Variants in FEM1C observed in about 807,000 individuals in gnomAD.
FEM1C encodes the protein protein fem-1 homolog C.
In FEM1C, 15 loss-of-function variants were observed where a neutral mutation model predicts 37.6. The observed-to-expected ratio is 0.40, with a 90% confidence interval of 0.27 to 0.61. The LOEUF is 0.61. FEM1C is among the 20% of genes least tolerant of loss of function. The pLI, the probability that FEM1C is intolerant of heterozygous loss-of-function variation, is 0.42. For missense variants in FEM1C, 532 were observed against 749.7 expected (o/e 0.71, Z 3.39); for synonymous variants, 287 against 272.8 (o/e 1.05, Z -0.51).
At chr5:115,525,698 C>A in intron 2 of FEM1C, 81 bp from the exon 3 acceptor site, 1 of 1,133,848 alleles carries the variant, frequency 8.8e-7, no homozygotes, top group South Asian at 1.8e-5. Flanking sequence ...ACTTTAGAAC[C>A]TAAAGAAAAG....
chr5:115,524,833 A>G lies in FEM1C; in HGVS notation c.1329T>C (p.Ser443=). 1 of 1,609,398 alleles carries G rather than the reference A, an allele frequency of 6.2e-7. No individual in the cohort carries two copies. The highest frequency in any genetic ancestry group is 8.5e-7 in the Non-Finnish European group (1 of 1,178,270). Residue 443 remains serine, a synonymous_variant, in exon 3 of 3, where the codon TCT becomes TCC. Coordinates refer to ENST00000274457, the MANE Select transcript of FEM1C (RefSeq NM_020177.3). ...ADPLQLNKAL[S]IILHLICLLE... ...ACAAGCAAATTAAGTGCAAAATAAT[A>G]GAAAGGGCCTTATTTAACTGTAATG...
rs1190672978 is a variant in FEM1C, at chr5:115,521,396, A to C, written c.*2912T>G. On this transcript the variant is annotated 3_prime_UTR_variant, in exon 3 of 3. Transcript: ENST00000274457. Reference sequence around the variant, plus strand: ...ATACACATTAAGGTAGTCACTTTACAAGTGAGCTATCACTTAACTTCAAAT... The same window carrying C: ...ATACACATTAAGGTAGTCACTTTACCAGTGAGCTATCACTTAACTTCAAAT... 1 of 151,856 alleles carries C rather than the reference A, an allele frequency of 6.6e-6. No homozygotes were observed. Among genetic ancestry groups the C allele is most frequent in the Non-Finnish European group, 1.5e-5 (1 of 67,796 alleles). 9.4% of individuals were successfully genotyped at this position (151,856 alleles called of 1,614,324 possible).
At position 115,522,675 on chromosome 5, in the gene FEM1C, G is replaced by A. The variant is rs988219377; in HGVS notation, c.*1633C>T. Reference sequence around the variant, plus strand: ...TTAAATAGTGTAACATCAACCCTCAGAATAAAATGTCAACACAAAAATCCA... The same window carrying A: ...TTAAATAGTGTAACATCAACCCTCAAAATAAAATGTCAACACAAAAATCCA... On this transcript the variant is annotated 3_prime_UTR_variant, in exon 3 of 3. Transcript: ENST00000274457. The A allele has an allele frequency of 1.3e-4, 20 of 152,248 alleles. No homozygotes were observed. Among genetic ancestry groups the A allele is most frequent in the African/African-American group, 4.1e-4 (17 of 41,406 alleles). 9.4% of individuals were successfully genotyped at this position (152,248 alleles called of 1,614,324 possible). A position where few individuals can be genotyped will look rare whatever the true frequency, so the allele number is the denominator to read the frequency against.
chr5:115,535,477 C>T (rs946343392), intron 2 of FEM1C, among the ~76,000 whole-genome samples: 8 of 151,684 alleles, frequency 5.3e-5, no homozygotes, highest in Non-Finnish European at 8.8e-5. Flanking sequence ...AATAACCACA[C>T]GAATTAAGTA....
intron 1 of FEM1C, chr5:115,544,232 T>A: frequency 1.0e-6 from 1 of 957,174 alleles, no homozygotes; most frequent in Non-Finnish European, 1.2e-6. Flanking sequence ...TTTTAGTCAT[T>A]AACTTCGCCC....
At chr5:115,529,714 G>A (rs1163675474) in intron 2 of FEM1C, among the ~76,000 whole-genome samples, 4 of 151,934 alleles carry the variant, frequency 2.6e-5, no homozygotes, top group South Asian at 2.1e-4. Context: ...GCAATACCAC[G>A]AAATTATGGA....
In FEM1C at chr5:115,543,566, G is replaced by C; in HGVS notation, c.-73C>G. On this transcript the variant is annotated 5_prime_UTR_variant, in exon 2 of 3. Coordinates refer to ENST00000274457, the MANE Select transcript of FEM1C (RefSeq NM_020177.3). ...CTCCAGTTTAACTCTATCGACACAG[G>C]CAAGAGTCACAGGAACCAAAGTCCA... 2.6e-6 allele frequency: 4 copies of C among 1,514,026 alleles called. No individual in the cohort carries two copies. The East Asian group carries it at 9.0e-5, about 34-fold the overall frequency. 93.8% of individuals were successfully genotyped at this position (1,514,026 alleles called of 1,614,324 possible).
chr5:115,524,939 A>C lies in FEM1C; in HGVS notation c.1223T>G (p.Phe408Cys). The stretch of plus-strand genomic sequence containing the variant: ...GCAAAGTATGCCCATAAGATCATCA[A>C]ATGTAACAGTAGTACCCAGCAGGCC... ...AKGLLGTTVT[F>C]DDLMGILCKS... The change falls in exon 3 of 3, where the codon TTT becomes TGT. Residue 408 changes from phenylalanine to cysteine, a missense_variant. Around this residue, in one of 3 missense-constraint regions of FEM1C, gnomAD observed 237 missense variants for 260.5 expected, o/e 0.91. Transcript: ENST00000274457. 6.2e-7 allele frequency: 1 copy of C among 1,613,796 alleles called. No homozygotes were observed. Among genetic ancestry groups the C allele is most frequent in the Non-Finnish European group, 8.5e-7 (1 of 1,179,844 alleles).
chr5:115,528,385 G>A (rs1443876745), intron 2 of FEM1C, among the ~76,000 whole-genome samples: 1 of 152,142 alleles, frequency 6.6e-6, no homozygotes, highest in African/African-American at 2.4e-5. Context: ...AGCAGAACTA[G>A]TGACAGCCTT....
intron 1 of FEM1C, 34 bp from the exon 2 acceptor site, chr5:115,543,717 T>G: frequency 7.4e-7 from 1 of 1,347,430 alleles, no homozygotes; most frequent in Non-Finnish European, 9.5e-7. Context: ...CAGCATTTAA[T>G]TTTCTATAGA....
rs189371624 is a variant in FEM1C, at chr5:115,541,744, T to C, written c.544+1206A>G. 2.7e-3 allele frequency among the ~76,000 whole-genome samples: 416 copies of C among 152,242 alleles called. 3 individuals carry two copies. The highest frequency in any genetic ancestry group is 0.01 in the Middle Eastern group (3 of 294). ...AAACAGAATGAGGTAGCTATGTGTG[T>C]TGGAGTTGAATGACATCCAAGGTTA... On this transcript the variant is annotated intron_variant, in intron 2 of 2. Coordinates refer to ENST00000274457, the MANE Select transcript of FEM1C (RefSeq NM_020177.3).
At chr5:115,529,063 G>A (rs368718109) in intron 2 of FEM1C, among the ~76,000 whole-genome samples, 6 of 152,006 alleles carry the variant, frequency 3.9e-5, no homozygotes, top group South Asian at 2.1e-4. Flanking sequence ...AGGGAACAAC[G>A]TCAGAATATT....
chr5:115,531,921 G>GC (rs1329880331), intron 2 of FEM1C, among the ~76,000 whole-genome samples: 4 of 152,094 alleles, frequency 2.6e-5, no homozygotes, highest in Non-Finnish European at 5.9e-5. Flanking sequence ...TTCTGCTTAT[G>GC]CTTCACATTA....
intron 2 of FEM1C, among the ~76,000 whole-genome samples, chr5:115,532,699 C>T (rs894593388): frequency 2.0e-5 from 3 of 152,002 alleles, no homozygotes; most frequent in Non-Finnish European, 2.9e-5. Context: ...GTTATTACAT[C>T]GTCTGCATAG....
chr5:115,542,736 T>TA, intron 2 of FEM1C, among the ~76,000 whole-genome samples: 1 of 152,270 alleles, frequency 6.6e-6, no homozygotes, highest in Non-Finnish European at 1.5e-5. Context: ...AGAGAGAAAA[T>TA]ACTGCTTAAC....
intron 2 of FEM1C, among the ~76,000 whole-genome samples, chr5:115,540,977 G>A (rs1287654541): frequency 6.6e-6 from 1 of 151,978 alleles, no homozygotes; most frequent in African/African-American, 2.4e-5. Flanking sequence ...TTCTTCAAAA[G>A]AATGATAATT....
rs570706444 is a variant in FEM1C, at chr5:115,533,747, C to A, written c.545-8130G>T. Among the ~76,000 whole-genome samples, 10 of 151,224 alleles carry A rather than the reference C, an allele frequency of 6.6e-5. No homozygotes were observed. The South Asian group carries it at 2.1e-3, about 32-fold the overall frequency. ...AAAGACAATGAACAATAAAACAACACAAAGTTCAAAAATAAATATTACCAG... is the reference window on the plus strand; with the variant it reads ...AAAGACAATGAACAATAAAACAACAAAAAGTTCAAAAATAAATATTACCAG... On this transcript the variant is annotated intron_variant, in intron 2 of 2. Transcript: ENST00000274457.
Position 115,524,288 on chromosome 5 carries a change from G to A in FEM1C, c.*20C>T, listed in dbSNP as rs764999142. The A allele has an allele frequency of 1.2e-5, 20 of 1,603,354 alleles. No individual in the cohort carries two copies. The highest frequency in any genetic ancestry group is 1.6e-5 in the Non-Finnish European group (19 of 1,171,254). ...TGTTACCAATTCGTGCTTTAACAGT[G>A]CTAAAATACAGTCAAGTTATCATCT... is the stretch of plus-strand genomic sequence containing the variant. On this transcript the variant is annotated 3_prime_UTR_variant, in exon 3 of 3. Coordinates refer to ENST00000274457, the MANE Select transcript of FEM1C (RefSeq NM_020177.3).
At chr5:115,542,307 C>T (rs1010388879) in intron 2 of FEM1C, among the ~76,000 whole-genome samples, 7 of 152,156 alleles carry the variant, frequency 4.6e-5, no homozygotes, top group Non-Finnish European at 8.8e-5. Flanking sequence ...AGTCCTTGTT[C>T]TTCACTCTCA....
Sources: gnomAD v4.1 joint callset for allele counts (sites outside exome capture counted in the v4.1 genomes callset) on GRCh38, gnomAD v4.1.1 for gene constraint, gnomAD v4.1.1 regional missense constraint, MANE v1.5 for transcripts, NCBI Gene and HGNC (gene_info 2026-07-23, HGNC 2026-07-21) for gene names.